The following DNAJC6 variants were observed in gnomAD, a reference collection of about 807,000 sequenced individuals.
DNAJC6 encodes the protein auxilin.
In DNAJC6, 34 loss-of-function variants were observed where a neutral mutation model predicts 110.0. The ratio of observed to expected loss-of-function variants is 0.31; its 90% confidence interval spans 0.24 to 0.41. The LOEUF is 0.41. DNAJC6 is among the 10% of genes least tolerant of loss of function. The pLI, the probability that DNAJC6 is intolerant of heterozygous loss-of-function variation, is 1.00. For missense variants in DNAJC6, 1,031 were observed against 1,207.8 expected (o/e 0.85, Z 2.17); for synonymous variants, 406 against 437.2 (o/e 0.93, Z 0.89).
chr1:65,344,948 G>A (rs980343083), intron 1 of DNAJC6, among the ~76,000 whole-genome samples: 3 of 152,046 alleles, frequency 2.0e-5, no homozygotes, highest in African/African-American at 4.8e-5. Context: ...AAATATTTCC[G>A]AGTCCCAGTT....
intron 1 of DNAJC6, among the ~76,000 whole-genome samples, chr1:65,344,611 G>T (rs9436267): frequency 2.0e-4 from 31 of 152,092 alleles, no homozygotes; most frequent in African/African-American, 7.5e-4. Context: ...GCTATGCCTA[G>T]AATTCAATTA....
intron 1 of DNAJC6, among the ~76,000 whole-genome samples, chr1:65,294,193 G>A (rs1028801957): frequency 2.6e-5 from 4 of 152,270 alleles, no homozygotes; most frequent in African/African-American, 9.6e-5. Flanking sequence ...AAATACAGAA[G>A]ATAAATCCTT....
intron 13 of DNAJC6, among the ~76,000 whole-genome samples, chr1:65,396,763 G>A (rs187329564): frequency 1.3e-5 from 2 of 152,180 alleles, no homozygotes; most frequent in African/African-American, 2.4e-5. Context: ...ACAAAGGCAG[G>A]GAATTTTGTT....
At chr1:65,266,121 A>C (rs545484014) in intron 1 of DNAJC6, among the ~76,000 whole-genome samples, 1 of 152,296 alleles carries the variant, frequency 6.6e-6, no homozygotes, top group African/African-American at 2.4e-5. Flanking sequence ...TTTGGGTGAG[A>C]CGTGCAACAA....
At chr1:65,343,968 C>A (rs1165445247) in intron 1 of DNAJC6, among the ~76,000 whole-genome samples, 2 of 152,122 alleles carry the variant, frequency 1.3e-5, no homozygotes, top group African/African-American at 4.8e-5. Flanking sequence ...CAATTGATGG[C>A]AGTTGGGTTT....
rs1557534979 is a variant in DNAJC6, at chr1:65,349,091, A to AATACATATATATAAATATATATGTAT, written c.194-15541_194-15540insCATATATATAAATATATATGTATATA. On this transcript the variant is annotated intron_variant, in intron 1 of 18. Coordinates refer to ENST00000371069, the MANE Select transcript of DNAJC6 (RefSeq NM_001256864.2). The stretch of plus-strand genomic sequence containing the variant: ...ATACATATATAAAAATATATATGTA[A>AATACATATATATAAATATATATGTAT]ATATATATATAAATAAATATGTAAA... Among the ~76,000 whole-genome samples the AATACATATATATAAATATATATGTAT allele has an allele frequency of 4.3e-3, 583 of 135,808 alleles. 1 individual carries two copies. Among genetic ancestry groups the AATACATATATATAAATATATATGTAT allele is most frequent in the African/African-American group, 0.016 (566 of 36,192 alleles). The allele number at this position is 135,808 out of a possible 152,430, so 89.1% of individuals were successfully genotyped here.
chr1:65,401,888 C>T lies in DNAJC6; in HGVS notation c.2227+8C>T, dbSNP rs777575332. 1.8e-5 allele frequency: 29 copies of T among 1,612,178 alleles called. No individual in the cohort carries two copies. Among genetic ancestry groups the T allele is most frequent in the Non-Finnish European group, 2.3e-5 (27 of 1,179,606 alleles). On this transcript the variant is annotated splice_region_variant and intron_variant, in intron 15 of 18. Coordinates refer to ENST00000371069, the MANE Select transcript of DNAJC6 (RefSeq NM_001256864.2). The stretch of plus-strand genomic sequence containing the variant: ...CCGACCTTGGGACACTAGGTACAAA[C>T]TCAGAAGATCAAGATACAAATAACA...
intron 17 of DNAJC6, 41 bp downstream of exon 17, chr1:65,408,824 C>T (rs1199939695): frequency 6.3e-7 from 1 of 1,599,968 alleles, no homozygotes; most frequent in South Asian, 1.1e-5. Context: ...TCCTATATGA[C>T]AAAGTCATGT....
chr1:65,407,829 A>C (rs986528335), intron 16 of DNAJC6, among the ~76,000 whole-genome samples: 1 of 152,232 alleles, frequency 6.6e-6, no homozygotes, highest in African/African-American at 2.4e-5. Context: ...GTCTTACAGT[A>C]TAGAGATAGC....
chr1:65,292,482 G>GT (rs1361675207), intron 1 of DNAJC6, among the ~76,000 whole-genome samples: 1 of 151,896 alleles, frequency 6.6e-6, no homozygotes, highest in Non-Finnish European at 1.5e-5. Flanking sequence ...CTAGGCTGGG[G>GT]TGCAGTGGCA....
intron 4 of DNAJC6, among the ~76,000 whole-genome samples, chr1:65,369,567 G>C (rs1645686197): frequency 6.6e-6 from 1 of 152,180 alleles, no homozygotes; most frequent in East Asian, 1.9e-4. Context: ...GATTCATAAG[G>C]GTGTATAAGG....
intron 1 of DNAJC6, among the ~76,000 whole-genome samples, chr1:65,312,412 C>T (rs1009538428): frequency 1.3e-5 from 2 of 152,178 alleles, no homozygotes; most frequent in Non-Finnish European, 1.5e-5. Context: ...CTAAGATCCT[C>T]AAAGTGTGGC....
intron 1 of DNAJC6, among the ~76,000 whole-genome samples, chr1:65,276,104 A>C (rs1326622053): frequency 6.6e-6 from 1 of 150,714 alleles, no homozygotes; most frequent in African/African-American, 2.4e-5. Context: ...CTGGTCTTGA[A>C]CTCCTGGCCT....
At chr1:65,358,490 G>A (rs1254042405) in intron 1 of DNAJC6, among the ~76,000 whole-genome samples, 2 of 152,160 alleles carry the variant, frequency 1.3e-5, no homozygotes, top group Admixed American at 6.5e-5. Context: ...AAGATTAAAT[G>A]TGTTACTACA....
At chr1:65,313,246 A>G (rs150578317) in intron 1 of DNAJC6, among the ~76,000 whole-genome samples, 1 of 143,786 alleles carries the variant, frequency 7.0e-6, no homozygotes, top group African/African-American at 2.6e-5. Flanking sequence ...CTTTGTAGAG[A>G]TGGGGTTTTT....
intron 1 of DNAJC6, among the ~76,000 whole-genome samples, chr1:65,318,859 A>T (rs1194322664): frequency 6.6e-6 from 1 of 152,220 alleles, no homozygotes; most frequent in Non-Finnish European, 1.5e-5. Flanking sequence ...AACTTAAAAT[A>T]AAAGTTGAAG....
At position 65,309,949 on chromosome 1, in the gene DNAJC6, C is replaced by T. The variant is rs1379196438; in HGVS notation, c.193+11C>T. 4 of 1,439,320 alleles carry T rather than the reference C, an allele frequency of 2.8e-6. No individual in the cohort carries two copies. The African/African-American group carries it at 4.5e-5, about 16-fold the overall frequency. The allele number at this position is 1,439,320 out of a possible 1,614,324, so 89.2% of individuals were successfully genotyped here. A position where few individuals can be genotyped will look rare whatever the true frequency, so the allele number is the denominator to read the frequency against. ...CCATGGACAGCTCAGGTAGCGCTGCCCGAGGGGAGTGCAGCGCTGAGCCCC... is the reference window on the plus strand; with the variant it reads ...CCATGGACAGCTCAGGTAGCGCTGCTCGAGGGGAGTGCAGCGCTGAGCCCC... On this transcript the variant is annotated intron_variant, in intron 1 of 18. Coordinates refer to ENST00000371069, the MANE Select transcript of DNAJC6 (RefSeq NM_001256864.2).
In DNAJC6 at chr1:65,413,182, G is replaced by A. The variant is rs1175171321; in HGVS notation, c.*157G>A. On this transcript the variant is annotated 3_prime_UTR_variant, in exon 19 of 19. Coordinates refer to ENST00000371069, the MANE Select transcript of DNAJC6 (RefSeq NM_001256864.2). The stretch of plus-strand genomic sequence containing the variant: ...AATTAATTTCTCATTGATAAGGAAT[G>A]TGGATGTTTGGTTTCTCCAAAGTTC... The A allele has an allele frequency of 1.7e-6, 1 of 602,326 alleles. No homozygotes were observed. The highest frequency in any genetic ancestry group is 3.3e-5 in the Admixed American group (1 of 30,754). The allele number at this position is 602,326 out of a possible 1,614,324, so 37.3% of individuals were successfully genotyped here. A position where few individuals can be genotyped will look rare whatever the true frequency, so the allele number is the denominator to read the frequency against.
chr1:65,339,058 C>T (rs1645364130), intron 1 of DNAJC6, among the ~76,000 whole-genome samples: 2 of 152,172 alleles, frequency 1.3e-5, no homozygotes, highest in Non-Finnish European at 2.9e-5. Flanking sequence ...AGACTGTGAG[C>T]AGCTTGATGT....
Sources: gnomAD v4.1 joint callset for allele counts (sites outside exome capture counted in the v4.1 genomes callset) on GRCh38, gnomAD v4.1.1 for gene constraint, MANE v1.5 for transcripts, NCBI Gene and HGNC (gene_info 2026-07-23, HGNC 2026-07-21) for gene names.